Variants in ZNF260 observed in about 807,000 individuals in gnomAD.
The protein encoded by ZNF260 is zinc finger protein 260, also known as zfp-260.
A neutral mutation model predicts 29.3 loss-of-function variants in ZNF260; 21 were observed. That is an observed-to-expected ratio of 0.72 (90% CI 0.51 to 1.03). The LOEUF is 1.03. ZNF260 is among the 50% of genes least tolerant of loss of function. The pLI, the probability that ZNF260 is intolerant of heterozygous loss-of-function variation, is 0.00. For synonymous variants in ZNF260, 156 were observed against 156.8 expected (o/e 0.99, Z 0.04); for missense variants, 465 against 487.8 (o/e 0.95, Z 0.44).
At chr19:36,518,235 G>A (rs2034585437) in intron 2 of ZNF260, 1 of 152,118 alleles carries the variant, frequency 6.6e-6, no homozygotes, top group Non-Finnish European at 1.5e-5. Context: ...TTGATGCACA[G>A]TGAAAACCAC....
At chr19:36,517,231 C>T (rs1335551525) in intron 2 of ZNF260, 2 of 152,020 alleles carry the variant, frequency 1.3e-5, no homozygotes, top group Admixed American at 6.6e-5. Context: ...TTTATCTCTA[C>T]AAAAATTTTA....
At chr19:36,519,112 A>T (rs2034599598) in intron 2 of ZNF260, among the ~76,000 whole-genome samples, 1 of 152,208 alleles carries the variant, frequency 6.6e-6, no homozygotes, top group Non-Finnish European at 1.5e-5. Flanking sequence ...CACATCAAAA[A>T]GGCATCAGAT....
rs1379557842 is a variant in ZNF260 at position 36,514,793 on chromosome 19, G to A, written c.446C>T (p.Ala149Val). ...AATTTTCTCATGCTCAGTGAGATAT[G>A]CTTTGCCGTTAAAGGCTTTGCCACA... ...KECGKAFNGK[A>V]YLTEHEKIHT... Residue 149 changes from alanine (A) to valine (V), a missense_variant, in exon 3 of 3, where the codon GCA becomes GTA. By Grantham distance (64) the Ala-to-Val change is moderately conservative (BLOSUM62 0). Transcript: ENST00000523638. 1.2e-6 allele frequency: 2 copies of A among 1,613,742 alleles called. No individual in the cohort carries two copies. The highest frequency in any genetic ancestry group is 1.7e-6 in the Non-Finnish European group (2 of 1,180,024).
chr19:36,514,973 C>T lies in ZNF260; in HGVS notation c.266G>A (p.Gly89Glu). Residue 89 changes from glycine (G) to glutamate (E), a missense_variant, in exon 3 of 3, where the codon GGA (glycine) becomes GAA (glutamate). Transcript: ENST00000523638. Reference protein sequence around the residue: ...GKKAYKCNKCGKAFSQKENFL... With the variant: ...GKKAYKCNKCEKAFSQKENFL... ...GTTTTCCTTCTGGCTGAAGGCTTTT[C>T]CACATTTATTACATTTATATGCCTT... The T allele has an allele frequency of 6.2e-7, 1 of 1,614,008 alleles. No homozygotes were observed. The highest frequency in any genetic ancestry group is 8.5e-7 in the Non-Finnish European group (1 of 1,179,998).
chr19:36,528,060 C>G (rs2034765387), intron 1 of ZNF260, among the ~76,000 whole-genome samples, 159 bp downstream of exon 1: 1 of 152,116 alleles, frequency 6.6e-6, no homozygotes, highest in Non-Finnish European at 1.5e-5. Context: ...ACCCCTGCCC[C>G]CAGCCACACA....
chr19:36,525,082 A>C (rs1454984603), intron 2 of ZNF260, 73 bp downstream of exon 2: 2 of 152,370 alleles, frequency 1.3e-5, no homozygotes, highest in Non-Finnish European at 2.9e-5. Flanking sequence ...AAACAAAAAA[A>C]CCCCACAACA....
intron 1 of ZNF260, 150 bp downstream of exon 1, chr19:36,528,069 C>A (rs1020764763): frequency 6.6e-6 from 1 of 152,334 alleles, no homozygotes; most frequent in African/African-American, 2.4e-5. Context: ...CCCAGCCACA[C>A]AAGCTCGGAT....
intron 2 of ZNF260, among the ~76,000 whole-genome samples, chr19:36,518,898 C>T (rs190783083): frequency 2.0e-5 from 3 of 152,172 alleles, no homozygotes; most frequent in East Asian, 3.9e-4. Context: ...AAAAGATTAT[C>T]TGGGTGTGGT....
chr19:36,520,358 A>G (rs1057200068), intron 2 of ZNF260, among the ~76,000 whole-genome samples: 2 of 152,166 alleles, frequency 1.3e-5, no homozygotes, highest in Non-Finnish European at 2.9e-5. Flanking sequence ...GTAAAAAAGA[A>G]AAAGATATTT....
At chr19:36,520,184 G>A (rs2034619472) in intron 2 of ZNF260, among the ~76,000 whole-genome samples, 1 of 133,672 alleles carries the variant, frequency 7.5e-6, no homozygotes, top group Non-Finnish European at 1.5e-5. Flanking sequence ...GGGCAACAGA[G>A]TGAGACTCTG....
intron 2 of ZNF260, among the ~76,000 whole-genome samples, chr19:36,519,937 C>A (rs886408301): frequency 6.6e-6 from 1 of 151,938 alleles, no homozygotes; most frequent in Non-Finnish European, 1.5e-5. Flanking sequence ...TGGTGACTCA[C>A]GCCTGTAATC....
rs1382968228 is a variant in ZNF260, at chr19:36,514,939, A to C, written c.300T>G (p.Ser100=). The change falls in exon 3 of 3, where the codon TCT becomes TCG. Residue 100 remains serine, a synonymous_variant. Transcript: ENST00000523638. ...TCTCTCCAGTGTGATGTTTCTGATG[A>C]GAAAGGAAGTTTTCCTTCTGGCTGA... ...KAFSQKENFL[S]HQKHHTGEKP... 4 of 1,613,604 alleles carry C rather than the reference A, an allele frequency of 2.5e-6. No individual in the cohort carries two copies. Among genetic ancestry groups the C allele is most frequent in the Admixed American group, 3.3e-5 (2 of 59,970 alleles).
rs560444352 is a variant in ZNF260 at position 36,515,438 on chromosome 19, A to C, written c.-200T>G. On this transcript the variant is annotated 5_prime_UTR_variant, in exon 3 of 3. The change creates a premature stop within an existing upstream ORF in the 5' untranslated region. Transcript: ENST00000523638. The stretch of plus-strand genomic sequence containing the variant: ...ATGATTACAAAAAGGGATAAAATGT[A>C]ACATTCTCTTTATATTCTTAATGGT... The C allele has an allele frequency of 2.0e-4, 105 of 529,284 alleles. No homozygotes were observed. Among genetic ancestry groups the C allele is most frequent in the Non-Finnish European group, 2.8e-4 (85 of 300,330 alleles). The allele number at this position is 529,284 out of a possible 1,614,324, so 32.8% of individuals were successfully genotyped here.
chr19:36,515,007 T>C lies in ZNF260; in HGVS notation c.232A>G (p.Thr78Ala), dbSNP rs1418769852. 1 of 1,614,028 alleles carries C rather than the reference T, an allele frequency of 6.2e-7. No homozygotes were observed. Among genetic ancestry groups the C allele is most frequent in the Non-Finnish European group, 8.5e-7 (1 of 1,180,018 alleles). The change falls in exon 3 of 3, where the codon ACA (threonine) becomes GCA (alanine). Residue 78 changes from threonine (T) to alanine (A), a missense_variant. Physicochemically the swap from Thr to Ala is moderately conservative, Grantham distance 58. Coordinates refer to ENST00000523638, the MANE Select transcript of ZNF260 (RefSeq NM_001166037.2). Reference protein sequence around the residue: ...SSLTLHLRSHTGKKAYKCNKC... With the variant: ...SSLTLHLRSHAGKKAYKCNKC... ...TTACATTTATATGCCTTCTTTCCTGTGTGACTTCTAAGGTGTAGAGTAAGA... is the reference window on the plus strand; with the variant it reads ...TTACATTTATATGCCTTCTTTCCTGCGTGACTTCTAAGGTGTAGAGTAAGA...
intron 2 of ZNF260, among the ~76,000 whole-genome samples, chr19:36,523,189 C>T (rs1474429279): frequency 1.3e-5 from 2 of 152,168 alleles, no homozygotes; most frequent in African/African-American, 2.4e-5. Context: ...CAATACTTCT[C>T]TTTCAGTCAG....
intron 2 of ZNF260, among the ~76,000 whole-genome samples, chr19:36,524,325 G>A (rs1434475871): frequency 6.6e-6 from 1 of 151,664 alleles, no homozygotes; most frequent in African/African-American, 2.4e-5. Flanking sequence ...ACAGGCGCCC[G>A]CCACCACACC....
chr19:36,524,788 G>T (rs963991720), intron 2 of ZNF260, among the ~76,000 whole-genome samples: 26 of 152,020 alleles, frequency 1.7e-4, no homozygotes, highest in African/African-American at 6.0e-4. Context: ...ACGCATCTAG[G>T]CATACAGGGA....
Position 36,514,749 on chromosome 19 carries a change from A to G in ZNF260, c.490T>C (p.Phe164Leu). Reference protein sequence around the residue: ...HEKIHTGEKPFECNQCGRAFS... With the variant: ...HEKIHTGEKPLECNQCGRAFS... ...GCTCTTCCACACTGATTACATTCAAATGGTTTTTCTCCAGTATGAATTTTC... is the reference window on the plus strand; with the variant it reads ...GCTCTTCCACACTGATTACATTCAAGTGGTTTTTCTCCAGTATGAATTTTC... Residue 164 changes from phenylalanine to leucine, a missense_variant, in exon 3 of 3, where the codon TTT becomes CTT. Coordinates refer to ENST00000523638, the MANE Select transcript of ZNF260 (RefSeq NM_001166037.2). 6.2e-7 allele frequency: 1 copy of G among 1,613,634 alleles called. No homozygotes were observed. Among genetic ancestry groups the G allele is most frequent in the South Asian group, 1.1e-5 (1 of 91,076 alleles).
At chr19:36,524,668 C>T (rs1397122478) in intron 2 of ZNF260, among the ~76,000 whole-genome samples, 3 of 151,872 alleles carry the variant, frequency 2.0e-5, no homozygotes, top group Admixed American at 6.6e-5. Context: ...TGCGGCCTTC[C>T]GCAGTGTTTG....
Sources: gnomAD v4.1 joint callset for allele counts (sites outside exome capture counted in the v4.1 genomes callset) on GRCh38, gnomAD v4.1.1 for gene constraint, MANE v1.5 for transcripts, NCBI Gene and HGNC (gene_info 2026-07-23, HGNC 2026-07-21) for gene names.